The following LRRC69 variants were observed in gnomAD, a reference collection of about 807,000 sequenced individuals.
LRRC69 encodes the protein leucine rich repeat containing 69.
In LRRC69, 42 loss-of-function variants were observed where a neutral mutation model predicts 37.8. That is an observed-to-expected ratio of 1.11 (90% confidence interval 0.87 to 1.44). The LOEUF (loss-of-function observed/expected upper bound fraction) is 1.44. Ranked by LOEUF, LRRC69 falls within the 40% of genes most tolerant of loss-of-function variation. The probability of loss-of-function intolerance (pLI) is 0.00; values close to 1 mark genes in which losing one functional copy is unlikely to be tolerated. For missense variants in LRRC69, 357 were observed against 401.9 expected (o/e 0.89, Z 0.96); for synonymous variants, 141 against 143.1 (o/e 0.99, Z 0.11).
At chr8:91,190,885 T>C (rs1809481869) in intron 6 of LRRC69, among the ~76,000 whole-genome samples, 2 of 151,788 alleles carry the variant, frequency 1.3e-5, no homozygotes, top group Non-Finnish European at 2.9e-5. Context: ...TGAGACCCCA[T>C]CTCTACAAAA....
At chr8:91,165,810 T>C (rs1441483367) in intron 5 of LRRC69, among the ~76,000 whole-genome samples, 5 of 151,836 alleles carry the variant, frequency 3.3e-5, no homozygotes, top group Admixed American at 6.6e-5. Context: ...ACAATACTTA[T>C]GGTTGACGTT....
Position 91,135,754 on chromosome 8 carries a change from C to A in LRRC69, c.651+15C>A, listed in dbSNP as rs766155199. 1.5e-6 allele frequency: 2 copies of A among 1,332,828 alleles called. No homozygotes were observed. Among genetic ancestry groups the A allele is most frequent in the Admixed American group, 3.7e-5 (1 of 26,906 alleles). 82.6% of individuals were successfully genotyped at this position (1,332,828 alleles called of 1,614,324 possible). A position where few individuals can be genotyped will look rare whatever the true frequency, so the allele number is the denominator to read the frequency against. ...TTCCATCAGGAGTAAGTAGAGTCAA[C>A]TTCCATTATAATTGAAAAATAATTT... On this transcript the variant is annotated intron_variant, in intron 5 of 7. Coordinates refer to ENST00000448384, the Ensembl canonical transcript of LRRC69.
At chr8:91,155,073 A>G (rs1447229308) in intron 5 of LRRC69, among the ~76,000 whole-genome samples, 2 of 151,446 alleles carry the variant, frequency 1.3e-5, no homozygotes, top group Admixed American at 6.6e-5. Flanking sequence ...ATTCCTATAC[A>G]CCAACAGGAG....
chr8:91,114,088 A>C (rs538696968), intron 1 of LRRC69, among the ~76,000 whole-genome samples: 1 of 152,088 alleles, frequency 6.6e-6, no homozygotes, highest in Non-Finnish European at 1.5e-5. Context: ...TCATCAATGA[A>C]ACACAAAGCA....
chr8:91,140,087 G>A (rs5029071), intron 5 of LRRC69, among the ~76,000 whole-genome samples: 66,090 of 125,652 alleles, frequency 0.53, 16,811 homozygotes, highest in South Asian at 0.67. Flanking sequence ...GCGAAACTCC[G>A]TCTCAAAAAA....
intron 5 of LRRC69, among the ~76,000 whole-genome samples, chr8:91,150,304 A>C (rs1050435395): frequency 6.6e-6 from 1 of 151,936 alleles, no homozygotes; most frequent in Admixed American, 6.6e-5. Flanking sequence ...AGCGTTGTTG[A>C]ATTTTGTCAA....
chr8:91,149,113 T>C (rs924110280), intron 5 of LRRC69, among the ~76,000 whole-genome samples: 5 of 151,912 alleles, frequency 3.3e-5, no homozygotes, highest in Non-Finnish European at 7.4e-5. Context: ...CAATTTTGGC[T>C]TTTGTTGCCA....
At chr8:91,127,182 C>G (rs577326060) in intron 3 of LRRC69, 22 bp downstream of exon 3, 1 of 1,532,758 alleles carries the variant, frequency 6.5e-7, no homozygotes, top group Non-Finnish European at 8.8e-7. Context: ...TATAGCAAGA[C>G]TTGGTTAACA....
At chr8:91,134,207 T>C (rs1475900113) in intron 4 of LRRC69, among the ~76,000 whole-genome samples, 1 of 151,198 alleles carries the variant, frequency 6.6e-6, no homozygotes, top group Admixed American at 6.6e-5. Flanking sequence ...TTCATAATTA[T>C]GGAGACTGAG....
intron 5 of LRRC69, among the ~76,000 whole-genome samples, chr8:91,142,276 C>G (rs1808544724): frequency 6.6e-6 from 1 of 151,918 alleles, no homozygotes; most frequent in Non-Finnish European, 1.5e-5. Flanking sequence ...ATATTGCAGA[C>G]CAAATAGAAA....
intron 5 of LRRC69, among the ~76,000 whole-genome samples, chr8:91,167,379 G>A (rs1164723081): frequency 6.6e-6 from 1 of 151,442 alleles, no homozygotes; most frequent in African/African-American, 2.4e-5. Flanking sequence ...ACTATCACGA[G>A]AACAGCCCGG....
chr8:91,103,927 C>T (rs1813263643), intron 1 of LRRC69, among the ~76,000 whole-genome samples: 1 of 151,820 alleles, frequency 6.6e-6, no homozygotes, highest in Non-Finnish European at 1.5e-5. Flanking sequence ...TAGTACTAAC[C>T]ATTGGTTACC....
intron 7 of LRRC69, among the ~76,000 whole-genome samples, chr8:91,215,379 C>A (rs556923845): frequency 1.3e-5 from 2 of 152,070 alleles, no homozygotes; most frequent in South Asian, 4.1e-4. Flanking sequence ...TTTTTAATTT[C>A]TCAAAGTTTA....
intron 5 of LRRC69, among the ~76,000 whole-genome samples, chr8:91,172,374 C>T (rs1314496830): frequency 6.6e-6 from 1 of 151,936 alleles, no homozygotes; most frequent in Non-Finnish European, 1.5e-5. Flanking sequence ...TCAACATTTC[C>T]AAGTTTTCTA....
At chr8:91,135,080 G>T (rs1161298065) in intron 4 of LRRC69, among the ~76,000 whole-genome samples, 1 of 152,042 alleles carries the variant, frequency 6.6e-6, no homozygotes, top group Non-Finnish European at 1.5e-5. Context: ...TAGGGTGGAA[G>T]CCCTTATATC....
At position 91,133,441 on chromosome 8, in the gene LRRC69, C is replaced by T. The variant is rs528192195; in HGVS notation, c.579+136C>T. On this transcript the variant is annotated intron_variant, in intron 4 of 7. Coordinates refer to ENST00000448384, the Ensembl canonical transcript of LRRC69. ...CTCTCAGATTAAATGTAGTCAGTTCCCAAATCCCTATGACAGAAGAAGGCT... is the reference window on the plus strand; with the variant it reads ...CTCTCAGATTAAATGTAGTCAGTTCTCAAATCCCTATGACAGAAGAAGGCT... The T allele has an allele frequency of 4.7e-5, 27 of 576,660 alleles. 1 individual carries two copies. The East Asian group carries it at 5.3e-4, about 11-fold the overall frequency. The allele number at this position is 576,660 out of a possible 1,614,324, so 35.7% of individuals were successfully genotyped here. A position where few individuals can be genotyped will look rare whatever the true frequency, so the allele number is the denominator to read the frequency against.
chr8:91,206,149 A>C (rs1344449174), intron 7 of LRRC69, among the ~76,000 whole-genome samples: 1 of 152,252 alleles, frequency 6.6e-6, no homozygotes, highest in African/African-American at 2.4e-5. Context: ...ATGATAAATC[A>C]GATCTGGATT....
intron 6 of LRRC69, among the ~76,000 whole-genome samples, chr8:91,197,811 G>A (rs35458779): frequency 0.052 from 7,893 of 151,994 alleles, 274 homozygotes; most frequent in Middle Eastern, 0.16. Flanking sequence ...CTTCTGTGTC[G>A]CTCACGGTGG....
intron 5 of LRRC69, among the ~76,000 whole-genome samples, chr8:91,173,844 G>A (rs959314885): frequency 4.6e-5 from 7 of 151,646 alleles, no homozygotes; most frequent in East Asian, 1.9e-4. Context: ...ATGATCTCCC[G>A]AAGGCCCTAC....
Sources: gnomAD v4.1 joint callset for allele counts (sites outside exome capture counted in the v4.1 genomes callset) on GRCh38, gnomAD v4.1.1 for gene constraint, MANE v1.5 for transcripts, NCBI Gene and HGNC (gene_info 2026-07-23, HGNC 2026-07-21) for gene names.